Variants in CPD observed in about 807,000 individuals in gnomAD.
CPD encodes the protein metallocarboxypeptidase D.
A neutral mutation model predicts 138.3 loss-of-function variants in CPD; 69 were observed. The observed-to-expected ratio is 0.50, with a 90% CI of 0.41 to 0.61. The LOEUF (loss-of-function observed/expected upper bound fraction) is 0.61. Ranked by LOEUF, CPD falls within the 20% of genes least tolerant of loss-of-function variation. CPD has a pLI of 0.00. For missense variants in CPD, 1,432 were observed against 1,733.3 expected, an observed-to-expected ratio of 0.83 and a Z score of 3.09; for synonymous variants, 651 against 642.1, an observed-to-expected ratio of 1.01 and a Z score of -0.21.
intron 20 of CPD, among the ~76,000 whole-genome samples, chr17:30,462,816 C>G (rs1390379548): frequency 6.6e-6 from 1 of 152,156 alleles, no homozygotes; most frequent in Non-Finnish European, 1.5e-5. Context: ...AACAGCAAGC[C>G]AGTCATTAGC....
At chr17:30,397,060 A>G (rs1911528148) in intron 2 of CPD, among the ~76,000 whole-genome samples, 1 of 152,136 alleles carries the variant, frequency 6.6e-6, no homozygotes, top group African/African-American at 2.4e-5. Context: ...CACTAAAACA[A>G]AAGGAACAAT....
intron 2 of CPD, among the ~76,000 whole-genome samples, chr17:30,401,570 G>A (rs1911673476): frequency 6.6e-6 from 1 of 151,872 alleles, no homozygotes; most frequent in South Asian, 2.1e-4. Flanking sequence ...TGCAACCTCT[G>A]CCTCCCAGGC....
intron 2 of CPD, among the ~76,000 whole-genome samples, chr17:30,410,758 C>A (rs972457619): frequency 2.0e-5 from 3 of 151,368 alleles, no homozygotes; most frequent in African/African-American, 7.3e-5. Flanking sequence ...TGTCTCTGCA[C>A]ATGAGATGGG....
At chr17:30,439,677 C>G (rs1213416306) in intron 9 of CPD, among the ~76,000 whole-genome samples, 1 of 102,086 alleles carries the variant, frequency 9.8e-6, no homozygotes, top group African/African-American at 4.2e-5. Context: ...TTTGTTCTTG[C>G]GATAGTTTAC....
Position 30,468,426 on chromosome 17 carries a change from C to T in CPD, c.*3612C>T, listed in dbSNP as rs184764722. 1 of 152,524 alleles carries T rather than the reference C, an allele frequency of 6.6e-6. No homozygotes were observed. The highest frequency in any genetic ancestry group is 2.1e-4 in the South Asian group (1 of 4,830). The allele number at this position is 152,524 out of a possible 1,614,324, so 9.4% of individuals were successfully genotyped here. A position where few individuals can be genotyped will look rare whatever the true frequency, so the allele number is the denominator to read the frequency against. ...ACCTCTCCAGTTTTTCCAAGTGATA[C>T]TCCCAGTTCTAGAGCAATCTACAGC... is the stretch of plus-strand genomic sequence containing the variant. On this transcript the variant is annotated 3_prime_UTR_variant, in exon 21 of 21. Transcript: ENST00000225719.
chr17:30,463,802 G>A (rs1913556705), intron 20 of CPD, among the ~76,000 whole-genome samples: 1 of 152,200 alleles, frequency 6.6e-6, no homozygotes, highest in Non-Finnish European at 1.5e-5. Flanking sequence ...CTCAGATAAA[G>A]TGTAAATAAC....
chr17:30,420,255 C>T (rs1212328994), intron 2 of CPD, among the ~76,000 whole-genome samples: 1 of 152,170 alleles, frequency 6.6e-6, no homozygotes, highest in East Asian at 1.9e-4. Flanking sequence ...ATTTGTGTAG[C>T]TGTGCCACCC....
intron 17 of CPD, among the ~76,000 whole-genome samples, chr17:30,460,720 A>G (rs1913448711): frequency 6.6e-6 from 1 of 152,190 alleles, no homozygotes; most frequent in African/African-American, 2.4e-5. Context: ...GTACCTTGAT[A>G]ATATCAATGC....
chr17:30,417,886 T>TA (rs1196281262), intron 2 of CPD, among the ~76,000 whole-genome samples: 1 of 152,156 alleles, frequency 6.6e-6, no homozygotes, highest in Non-Finnish European at 1.5e-5. Context: ...AGACCCTACT[T>TA]ACCTTTCCAG....
At chr17:30,415,963 G>C (rs1597717338) in intron 2 of CPD, among the ~76,000 whole-genome samples, 1 of 152,208 alleles carries the variant, frequency 6.6e-6, no homozygotes, top group Non-Finnish European at 1.5e-5. Flanking sequence ...GTAGAAAGGT[G>C]GTTGCCAAGA....
rs1464532187 is a variant in CPD, at chr17:30,467,513, T to C, written c.*2699T>C. 6.6e-6 allele frequency: 1 copy of C among 152,184 alleles called. No individual in the cohort carries two copies. The highest frequency in any genetic ancestry group is 1.5e-5 in the Non-Finnish European group (1 of 68,022). 9.4% of individuals were successfully genotyped at this position (152,184 alleles called of 1,614,324 possible). A position where few individuals can be genotyped will look rare whatever the true frequency, so the allele number is the denominator to read the frequency against. ...GTTGAGGAATGCTTGCAATGCTCAT[T>C]GAAGGGATTTGCTTTGGGACTTTGT... is the stretch of plus-strand genomic sequence containing the variant. On this transcript the variant is annotated 3_prime_UTR_variant, in exon 21 of 21. Coordinates refer to ENST00000225719, the MANE Select transcript of CPD (RefSeq NM_001304.5).
intron 2 of CPD, among the ~76,000 whole-genome samples, chr17:30,387,597 A>AC (rs1182481853): frequency 6.6e-6 from 1 of 152,240 alleles, no homozygotes; most frequent in East Asian, 1.9e-4. Flanking sequence ...TCATCAGTGT[A>AC]AATTTTTTCT....
intron 2 of CPD, among the ~76,000 whole-genome samples, chr17:30,407,843 GGCTTTTGTTGCCATT>G (rs1472427361): frequency 7.9e-5 from 12 of 152,154 alleles, no homozygotes; most frequent in Admixed American, 1.3e-4. Flanking sequence ...TGTCTATTTT[GGCTTTTGTTGCCATT>G]GCTTTTGGTG....
chr17:30,398,120 A>C (rs540346789), intron 2 of CPD, among the ~76,000 whole-genome samples: 2 of 152,216 alleles, frequency 1.3e-5, no homozygotes, highest in Middle Eastern at 3.4e-3. Context: ...AAATTTGTGA[A>C]GCGTCGCATA....
intron 2 of CPD, among the ~76,000 whole-genome samples, chr17:30,416,839 A>G (rs1912120127): frequency 6.6e-6 from 1 of 152,164 alleles, no homozygotes; most frequent in African/African-American, 2.4e-5. Flanking sequence ...GCGGTGGCTC[A>G]CGCCTGTAAT....
intron 2 of CPD, among the ~76,000 whole-genome samples, chr17:30,389,789 A>T (rs1204525179): frequency 6.6e-6 from 1 of 152,194 alleles, no homozygotes; most frequent in Non-Finnish European, 1.5e-5. Context: ...TATTTTCATG[A>T]GCATCAACTT....
At chr17:30,419,574 C>G (rs1309249278) in intron 2 of CPD, among the ~76,000 whole-genome samples, 1 of 152,226 alleles carries the variant, frequency 6.6e-6, no homozygotes, top group African/African-American at 2.4e-5. Context: ...CTCCTGAGCT[C>G]AGGCAATCTG....
chr17:30,386,074 G>A (rs1340102029), intron 2 of CPD, among the ~76,000 whole-genome samples: 1 of 152,036 alleles, frequency 6.6e-6, no homozygotes, highest in East Asian at 1.9e-4. Context: ...CTGTTACCCA[G>A]GCTGCAGTGC....
chr17:30,461,060 CTTCT>C, intron 17 of CPD, 116 bp from the exon 18 acceptor site: 1 of 678,104 alleles, frequency 1.5e-6, no homozygotes, highest in Non-Finnish European at 2.3e-6. Flanking sequence ...TGCTTTACAG[CTTCT>C]TTGTTTACGT....
Sources: gnomAD v4.1 joint callset for allele counts (sites outside exome capture counted in the v4.1 genomes callset) on GRCh38, gnomAD v4.1.1 for gene constraint, MANE v1.5 for transcripts, NCBI Gene and HGNC (gene_info 2026-07-23, HGNC 2026-07-21) for gene names.